CADM2: variants seen among roughly 807,000 people sequenced by gnomAD.
The protein encoded by CADM2 is immunoglobulin superfamily member 4D.
In CADM2, 12 loss-of-function variants were observed where a neutral mutation model predicts 49.8. The observed-to-expected ratio is 0.24, with a 90% CI of 0.15 to 0.39. The LOEUF (loss-of-function observed/expected upper bound fraction) is 0.39. CADM2 is among the 10% of genes least tolerant of loss of function. The probability of loss-of-function intolerance (pLI) is 1.00; values close to 1 mark genes in which losing one functional copy is unlikely to be tolerated. For synonymous variants in CADM2, 214 were observed against 175.4 expected (o/e 1.22, Z -1.74); for missense variants, 378 against 492.3 (o/e 0.77, Z 2.20).
intron 3 of CADM2, among the ~76,000 whole-genome samples, chr3:85,840,637 A>G (rs1224283317): frequency 6.6e-6 from 1 of 151,870 alleles, no homozygotes; most frequent in African/African-American, 2.4e-5. Context: ...CTCTTTTCAG[A>G]AATCCATTGT....
chr3:85,336,917 A>G (rs2045094013), intron 1 of CADM2, among the ~76,000 whole-genome samples: 1 of 142,774 alleles, frequency 7.0e-6, no homozygotes, highest in Non-Finnish European at 1.5e-5. Flanking sequence ...CAAAGTTAAT[A>G]GTTAAATAGT....
rs139734983 is a variant in CADM2, at chr3:85,009,370, C to T, written c.61+49702C>T. On this transcript the variant is annotated intron_variant, in intron 1 of 9. Transcript: ENST00000383699. Reference sequence around the variant, plus strand: ...GTGGATCTGTTCAAGTTACAGCTCACGAGTTGAAAGTCCTTAGTTCTAATT... The same window carrying T: ...GTGGATCTGTTCAAGTTACAGCTCATGAGTTGAAAGTCCTTAGTTCTAATT... 2.2e-3 allele frequency among the ~76,000 whole-genome samples: 330 copies of T among 152,212 alleles called. 6 individuals are homozygous for T. The East Asian group carries it at 0.049, about 23-fold the overall frequency.
intron 1 of CADM2, among the ~76,000 whole-genome samples, chr3:85,219,276 T>C (rs942722951): frequency 2.6e-5 from 4 of 152,176 alleles, no homozygotes; most frequent in African/African-American, 9.7e-5. Flanking sequence ...GTTGATTTGA[T>C]TTTTTATTTT....
intron 1 of CADM2, among the ~76,000 whole-genome samples, chr3:85,676,504 GT>G (rs1440400915): frequency 6.6e-6 from 1 of 151,986 alleles, no homozygotes. Flanking sequence ...TAAAAGCATA[GT>G]TTTGATTGTT....
chr3:85,897,353 T>G (rs1715376040), intron 5 of CADM2, among the ~76,000 whole-genome samples: 1 of 132,044 alleles, frequency 7.6e-6, no homozygotes, highest in East Asian at 2.6e-4. Context: ...CACTGCAAGC[T>G]CCGCTTCCCG....
chr3:85,157,066 T>A (rs1193855048), intron 1 of CADM2, among the ~76,000 whole-genome samples: 2 of 152,070 alleles, frequency 1.3e-5, no homozygotes, highest in African/African-American at 4.8e-5. Flanking sequence ...GAGAGCCAAA[T>A]CATGAGTGAA....
In CADM2 at chr3:86,068,331, AG is replaced by A. The variant is rs1266454638; in HGVS notation, c.*1549del. ...TCTTCTAGTAAAATAAAATATTGTTAGATTAGTTCTCATTAAATTTATTATA... is the reference window on the plus strand; with the variant it reads ...TCTTCTAGTAAAATAAAATATTGTTAATTAGTTCTCATTAAATTTATTATA... On this transcript the variant is annotated 3_prime_UTR_variant, in exon 10 of 10. Coordinates refer to ENST00000383699, the MANE Select transcript of CADM2 (RefSeq NM_001167675.2). 1.3e-5 allele frequency: 2 copies of A among 152,142 alleles called. No homozygotes were observed. The highest frequency in any genetic ancestry group is 1.5e-5 in the Non-Finnish European group (1 of 67,870). The allele number at this position is 152,142 out of a possible 1,614,324, so 9.4% of individuals were successfully genotyped here.
At chr3:85,832,209 G>T (rs2074217301) in intron 3 of CADM2, among the ~76,000 whole-genome samples, 1 of 151,746 alleles carries the variant, frequency 6.6e-6, no homozygotes, top group South Asian at 2.1e-4. Context: ...TTGCTGTTTT[G>T]GTTTCTGTAG....
intron 1 of CADM2, among the ~76,000 whole-genome samples, chr3:85,479,112 T>C (rs1055667514): frequency 2.0e-5 from 3 of 151,732 alleles, no homozygotes; most frequent in Non-Finnish European, 4.4e-5. Flanking sequence ...CCTGGCTAAA[T>C]TTTTATTATT....
intron 3 of CADM2, among the ~76,000 whole-genome samples, chr3:85,857,154 A>C (rs189230007): frequency 1.7e-3 from 266 of 152,232 alleles, no homozygotes; most frequent in African/African-American, 5.6e-3. Flanking sequence ...TCTCTTTTAT[A>C]AGGGTGCTAA....
intron 1 of CADM2, among the ~76,000 whole-genome samples, chr3:85,116,733 T>C (rs573809307): frequency 1.3e-5 from 2 of 152,242 alleles, no homozygotes; most frequent in Admixed American, 1.3e-4. Context: ...TTCCAGTACA[T>C]ACCATTGTGG....
At chr3:85,663,292 A>G (rs2065467018) in intron 1 of CADM2, among the ~76,000 whole-genome samples, 1 of 152,074 alleles carries the variant, frequency 6.6e-6, no homozygotes, top group African/African-American at 2.4e-5. Context: ...CTTGCTGCCT[A>G]AAGTCCCTTT....
chr3:85,896,701 G>C (rs1420584789), intron 5 of CADM2, among the ~76,000 whole-genome samples: 30 of 152,174 alleles, frequency 2.0e-4, no homozygotes. Flanking sequence ...ATGTTTCCTT[G>C]TGTGAGTAGG....
At chr3:85,030,170 C>T (rs1343397227) in intron 1 of CADM2, among the ~76,000 whole-genome samples, 1 of 152,212 alleles carries the variant, frequency 6.6e-6, no homozygotes, top group Non-Finnish European at 1.5e-5. Context: ...CTTGATATCA[C>T]TGCTCCTCTA....
intron 1 of CADM2, among the ~76,000 whole-genome samples, chr3:85,658,177 T>G (rs2065269524): frequency 6.6e-6 from 1 of 151,998 alleles, no homozygotes; most frequent in Admixed American, 6.6e-5. Context: ...GGGCATCTAA[T>G]TCAATATGAT....
At chr3:85,940,247 G>A (rs2108551035) in intron 7 of CADM2, among the ~76,000 whole-genome samples, 1 of 151,606 alleles carries the variant, frequency 6.6e-6, no homozygotes, top group East Asian at 2.0e-4. Flanking sequence ...GTTGAGCAAG[G>A]AGAATTGCTT....
chr3:85,820,683 C>T (rs1257624456), intron 3 of CADM2, among the ~76,000 whole-genome samples: 2 of 152,044 alleles, frequency 1.3e-5, no homozygotes, highest in African/African-American at 4.8e-5. Flanking sequence ...ATTAAACATA[C>T]AAGAGGAGAT....
At chr3:85,497,697 T>C (rs2039960945) in intron 1 of CADM2, among the ~76,000 whole-genome samples, 1 of 152,124 alleles carries the variant, frequency 6.6e-6, no homozygotes. Context: ...TCTATTATAT[T>C]TTGAATTAAA....
At chr3:85,755,438 T>TACAG (rs151169996) in intron 2 of CADM2, among the ~76,000 whole-genome samples, 8,151 of 152,194 alleles carry the variant, frequency 0.054, 608 homozygotes, top group African/African-American at 0.17. Flanking sequence ...AGCAAACTGT[T>TACAG]GTGTTCAACA....
Sources: allele counts gnomAD v4.1 joint callset (sites outside exome capture counted in the v4.1 genomes callset), GRCh38; gene constraint gnomAD v4.1.1; transcripts MANE v1.5; gene names NCBI Gene and HGNC (gene_info 2026-07-23, HGNC 2026-07-21).